NR1I2: variants seen among roughly 807,000 people sequenced by gnomAD.
NR1I2 encodes the protein nuclear receptor subfamily 1 group I member 2.
In NR1I2, 42 loss-of-function variants were observed where a neutral mutation model predicts 43.3. That is an observed-to-expected ratio of 0.97 (90% CI 0.76 to 1.26). The LOEUF is 1.26. Among genes scored for constraint, NR1I2 ranks in the 50% most tolerant of loss-of-function variants. The pLI, the probability that NR1I2 is intolerant of heterozygous loss-of-function variation, is 0.00. For synonymous variants in NR1I2, 229 were observed against 215.0 expected, an observed-to-expected ratio of 1.06 and a Z score of -0.57; for missense variants, 559 against 566.7, an observed-to-expected ratio of 0.99 and a Z score of 0.14.
At chr3:119,809,864 C>T (rs1459986917) in intron 2 of NR1I2, among the ~76,000 whole-genome samples, 197 bp from the exon 3 acceptor site, 1 of 152,164 alleles carries the variant, frequency 6.6e-6, no homozygotes, top group African/African-American at 2.4e-5. Flanking sequence ...GGCTCTGCCC[C>T]CTCTAGCTGA....
chr3:119,807,133 A>G, intron 1 of NR1I2, 96 bp from the exon 2 acceptor site: 1 of 1,121,802 alleles, frequency 8.9e-7, no homozygotes, highest in Non-Finnish European at 1.3e-6. Context: ...ACAGGCCCAA[A>G]TGTGAGTGAT....
chr3:119,786,116 A>G lies in NR1I2; in HGVS notation c.-23+3816A>G, dbSNP rs994784422. ...GGGTGATAGAAGCAGAGATGATCCAATAGCCACTAGGACCCTTGGAATGCA... is the reference window on the plus strand; with the variant it reads ...GGGTGATAGAAGCAGAGATGATCCAGTAGCCACTAGGACCCTTGGAATGCA... On this transcript the variant is annotated intron_variant, in intron 1 of 8. Coordinates refer to ENST00000393716, the MANE Select transcript of NR1I2 (RefSeq NM_003889.4). Among the ~76,000 whole-genome samples, 7 of 152,250 alleles carry G rather than the reference A, an allele frequency of 4.6e-5. No homozygotes were observed. The South Asian group carries it at 1.0e-3, about 23-fold the overall frequency.
chr3:119,786,413 G>A (rs556809943), intron 1 of NR1I2, among the ~76,000 whole-genome samples: 100 of 152,268 alleles, frequency 6.6e-4, no homozygotes, highest in South Asian at 1.2e-3. Flanking sequence ...TTGAAACATC[G>A]ATATAACAAA....
Position 119,810,307 on chromosome 3 carries a change from C to T in NR1I2, c.331+113C>T. 4 of 1,430,694 alleles carry T rather than the reference C, an allele frequency of 2.8e-6. No individual in the cohort carries two copies. In the South Asian group the frequency reaches 4.1e-5, roughly 15 times the overall value. 88.6% of individuals were successfully genotyped at this position (1,430,694 alleles called of 1,614,324 possible). On this transcript the variant is annotated intron_variant, in intron 3 of 8. Coordinates refer to ENST00000393716, the MANE Select transcript of NR1I2 (RefSeq NM_003889.4). ...GATGCGCGCCGAGTGTGCGCGTGAA[C>T]ACACGTGCACATGTGAGCTGGTGTC... is the stretch of plus-strand genomic sequence containing the variant.
intron 1 of NR1I2, among the ~76,000 whole-genome samples, chr3:119,785,442 C>A (rs181265822): frequency 1.3e-5 from 2 of 152,292 alleles, no homozygotes; most frequent in Non-Finnish European, 2.9e-5. Context: ...TGATTGCAGG[C>A]CTGTTGTTAA....
intron 1 of NR1I2, among the ~76,000 whole-genome samples, chr3:119,791,668 A>T (rs1400569616): frequency 6.6e-6 from 1 of 152,154 alleles, no homozygotes; most frequent in African/African-American, 2.4e-5. Flanking sequence ...TAATCCCAGC[A>T]CTTTGGGAGG....
At chr3:119,814,518 A>G (rs897543800) in intron 5 of NR1I2, among the ~76,000 whole-genome samples, 3 of 152,196 alleles carry the variant, frequency 2.0e-5, no homozygotes, top group African/African-American at 7.2e-5. Context: ...CACTCTGGAA[A>G]GGGGAGACTG....
chr3:119,797,894 C>A (rs547527117), intron 1 of NR1I2, among the ~76,000 whole-genome samples: 16 of 152,138 alleles, frequency 1.1e-4, no homozygotes. Context: ...TCTTGGATAG[C>A]AATAAAGATA....
chr3:119,782,762 C>T, intron 1 of NR1I2: 3 of 1,613,504 alleles, frequency 1.9e-6, no homozygotes, highest in Non-Finnish European at 2.5e-6. Context: ...AGCAGCATGA[C>T]AGTCACCAGG....
intron 1 of NR1I2, among the ~76,000 whole-genome samples, chr3:119,806,444 T>C (rs2055162178): frequency 6.6e-6 from 1 of 152,116 alleles, no homozygotes; most frequent in African/African-American, 2.4e-5. Context: ...ACCATCGATC[T>C]TGGCTGTTTT....
At chr3:119,801,173 T>C (rs2055074973) in intron 1 of NR1I2, among the ~76,000 whole-genome samples, 1 of 152,248 alleles carries the variant, frequency 6.6e-6, no homozygotes, top group Admixed American at 6.5e-5. Flanking sequence ...ATTAAATAAA[T>C]GAATTATATT....
chr3:119,803,375 TAGAGAGGTCCC>T (rs2055107345), intron 1 of NR1I2, among the ~76,000 whole-genome samples: 1 of 144,994 alleles, frequency 6.9e-6, no homozygotes. Context: ...GAGAGAGAGA[TAGAGAGGTCCC>T]AGAGACCCAA....
chr3:119,809,041 C>T (rs1262175212), intron 2 of NR1I2, among the ~76,000 whole-genome samples: 1 of 152,216 alleles, frequency 6.6e-6, no homozygotes, highest in Non-Finnish European at 1.5e-5. Flanking sequence ...TCAAACCTGC[C>T]AGGTCACTGC....
At chr3:119,782,752 A>G (rs1157177214) in intron 1 of NR1I2, 1 of 1,612,664 alleles carries the variant, frequency 6.2e-7, no homozygotes, top group South Asian at 1.1e-5. Context: ...GGCCAAGGAC[A>G]GCAGCATGAC....
rs753604506 is a variant in NR1I2 at position 119,817,141 on chromosome 3, C to G, written c.1234C>G (p.Leu412Val). ...CAATGCTCAGCACACCCAGCGGCTG[C>G]TGCGCATCCAGGACATACACCCCTT... is the stretch of plus-strand genomic sequence containing the variant. Residue 412 changes from leucine to valine, a missense_variant, in exon 9 of 9, where the codon CTG becomes GTG. Physicochemically the swap from Leu to Val is conservative, Grantham distance 32 (BLOSUM62 1). Transcript: ENST00000393716. 1 of 1,614,202 alleles carries G rather than the reference C, an allele frequency of 6.2e-7. No individual in the cohort carries two copies. Among genetic ancestry groups the G allele is most frequent in the Non-Finnish European group, 8.5e-7 (1 of 1,180,024 alleles).
chr3:119,790,575 T>G lies in NR1I2; in HGVS notation c.-23+8275T>G, dbSNP rs141380034. On this transcript the variant is annotated intron_variant, in intron 1 of 8. Coordinates refer to ENST00000393716, the MANE Select transcript of NR1I2 (RefSeq NM_003889.4). ...ACAGCCTTGCCAACACTTGTTATTTTCTGTTTATGTGATAGCGGCCATCCT... is the reference window on the plus strand; with the variant it reads ...ACAGCCTTGCCAACACTTGTTATTTGCTGTTTATGTGATAGCGGCCATCCT... 2.6e-3 allele frequency among the ~76,000 whole-genome samples: 394 copies of G among 152,334 alleles called. 1 individual carries two copies. The highest frequency in any genetic ancestry group is 8.8e-3 in the African/African-American group (367 of 41,576).
At chr3:119,815,922 G>C in intron 8 of NR1I2, 91 bp downstream of exon 8, 1 of 1,057,026 alleles carries the variant, frequency 9.5e-7, no homozygotes, top group Non-Finnish European at 1.4e-6. Flanking sequence ...CCAGAGGGTG[G>C]CATCTGGAGG....
chr3:119,792,621 T>C, intron 1 of NR1I2: 1 of 595,514 alleles, frequency 1.7e-6, no homozygotes, highest in East Asian at 3.0e-5. Context: ...AACACTGCCT[T>C]CCTTCTGCCT....
intron 1 of NR1I2, among the ~76,000 whole-genome samples, chr3:119,797,186 A>ATGTGTGTGTGTGTGTGTGTGTG (rs60261128): frequency 9.0e-5 from 13 of 145,178 alleles, no homozygotes; most frequent in Admixed American, 2.1e-4. Flanking sequence ...GCACAAAGAT[A>ATGTGTGTGTGTGTGTGTGTGTG]TGTGTGTGTG....
Sources: gnomAD v4.1 joint callset for allele counts (sites outside exome capture counted in the v4.1 genomes callset) on GRCh38, gnomAD v4.1.1 for gene constraint, MANE v1.5 for transcripts, NCBI Gene and HGNC (gene_info 2026-07-23, HGNC 2026-07-21) for gene names.